Variants in IAPP observed in about 807,000 individuals in gnomAD.
IAPP encodes the protein islet amyloid polypeptide, also known as Islet amyloid polypeptide (diabetes-associated peptide; amylin).
IAPP carries 4 observed loss-of-function variants against 2.9 expected under a neutral mutation model. The ratio of observed to expected loss-of-function variants is 1.39; its 90% confidence interval spans 0.69 to 3.19. The LOEUF (loss-of-function observed/expected upper bound fraction) is 3.19. Among genes scored for constraint, IAPP ranks in the 30% most tolerant of loss-of-function variants. The pLI is 0.01. For synonymous variants in IAPP, 40 were observed against 42.1 expected, an observed-to-expected ratio of 0.95 and a Z score of 0.19; for missense variants, 114 against 105.3, an observed-to-expected ratio of 1.08 and a Z score of -0.36.
chr12:21,370,232 C>G (rs1939678573), upstream of IAPP, among the ~76,000 whole-genome samples: 3 of 151,988 alleles, frequency 2.0e-5, no homozygotes, highest in African/African-American at 4.8e-5. Context: ...CAAATAATAA[C>G]CACCGAAGAG....
intron 1 of IAPP, among the ~76,000 whole-genome samples, chr12:21,360,423 T>C (rs1266702369): frequency 6.6e-6 from 1 of 152,114 alleles, no homozygotes; most frequent in East Asian, 1.9e-4. Flanking sequence ...AATATAAACA[T>C]CAGAGGGTGG....
chr12:21,370,539 C>T (rs569250034), upstream of IAPP, among the ~76,000 whole-genome samples: 71 of 139,314 alleles, frequency 5.1e-4, no homozygotes, highest in Non-Finnish European at 7.8e-4. Context: ...TCCATGTGTT[C>T]TCATTGTTCA....
upstream of IAPP, among the ~76,000 whole-genome samples, chr12:21,371,729 G>A (rs1231354461): frequency 2.0e-5 from 3 of 152,156 alleles, no homozygotes; most frequent in African/African-American, 7.2e-5. Flanking sequence ...GAGGATGGGT[G>A]CGGTGGCTGA....
upstream of IAPP, among the ~76,000 whole-genome samples, chr12:21,371,953 G>T (rs1394119487): frequency 6.6e-6 from 1 of 151,330 alleles, no homozygotes; most frequent in Non-Finnish European, 1.5e-5. Context: ...AGTGAGCCGA[G>T]ATCGCACCCT....
At chr12:21,358,707 C>T (rs1031968532) in intron 1 of IAPP, among the ~76,000 whole-genome samples, 2 of 151,152 alleles carry the variant, frequency 1.3e-5, no homozygotes, top group Non-Finnish European at 2.9e-5. Flanking sequence ...AATAAATGAA[C>T]AATATTGAAA....
chr12:21,372,437 T>G (rs1939867919), upstream of IAPP, among the ~76,000 whole-genome samples: 1 of 152,206 alleles, frequency 6.6e-6, no homozygotes, highest in African/African-American at 2.4e-5. Flanking sequence ...TGACTTTTGA[T>G]TTCTCTTTTA....
At chr12:21,373,289 A>G in intron 1 of IAPP, 48 bp from the exon 2 acceptor site, 1 of 1,092,400 alleles carries the variant, frequency 9.2e-7, no homozygotes, top group Non-Finnish European at 1.4e-6. Context: ...TACATCAATT[A>G]GAACTGTAAG....
At chr12:21,369,656 T>C (rs1939642901), upstream of IAPP, among the ~76,000 whole-genome samples, 1 of 152,202 alleles carries the variant, frequency 6.6e-6, no homozygotes, top group Non-Finnish European at 1.5e-5. Flanking sequence ...GTGTATGCAA[T>C]TGCTAAGGAA....
intron 1 of IAPP, among the ~76,000 whole-genome samples, chr12:21,357,236 T>C (rs893207497): frequency 6.6e-6 from 1 of 152,118 alleles, no homozygotes; most frequent in African/African-American, 2.4e-5. Context: ...TGAGATACTT[T>C]GAGACCCTAG....
At chr12:21,358,426 GC>G (rs1294058734) in intron 1 of IAPP, among the ~76,000 whole-genome samples, 1 of 152,064 alleles carries the variant, frequency 6.6e-6, no homozygotes, top group African/African-American at 2.4e-5. Flanking sequence ...AAACTATGTG[GC>G]AATCCACTAA....
intron 1 of IAPP, among the ~76,000 whole-genome samples, chr12:21,361,105 C>A (rs1938829547): frequency 6.6e-6 from 1 of 152,158 alleles, no homozygotes; most frequent in Non-Finnish European, 1.5e-5. Flanking sequence ...GGTCCCTGAC[C>A]CCTGAGTAGC....
At chr12:21,358,533 GTTTTA>G (rs567845584) in intron 1 of IAPP, among the ~76,000 whole-genome samples, 85 of 152,060 alleles carry the variant, frequency 5.6e-4, no homozygotes, top group African/African-American at 1.9e-3. Context: ...TAATATTTTT[GTTTTA>G]TTTTATTGTA....
chr12:21,371,116 C>T (rs187122840), upstream of IAPP, among the ~76,000 whole-genome samples: 11 of 152,216 alleles, frequency 7.2e-5, no homozygotes, highest in South Asian at 4.2e-4. Context: ...ATGGTTTATG[C>T]GGAAATTTCA....
chr12:21,362,045 T>C (rs928700037), intron 1 of IAPP, among the ~76,000 whole-genome samples: 1 of 151,848 alleles, frequency 6.6e-6, no homozygotes, highest in Non-Finnish European at 1.5e-5. Context: ...ATACAGAGAA[T>C]GCCACAAAGA....
chr12:21,356,182 A>G (rs1440645709), intron 1 of IAPP, among the ~76,000 whole-genome samples: 2 of 152,042 alleles, frequency 1.3e-5, no homozygotes, highest in African/African-American at 4.8e-5. Flanking sequence ...GTTTCACCAT[A>G]TATTTTTAAA....
intron 1 of IAPP, among the ~76,000 whole-genome samples, chr12:21,363,906 T>C (rs1399503576): frequency 6.6e-6 from 1 of 152,042 alleles, no homozygotes; most frequent in Non-Finnish European, 1.5e-5. Flanking sequence ...CAATAATTAA[T>C]AGCCTACCAA....
In IAPP at chr12:21,378,506, G is replaced by T. The variant is rs1300469209; in HGVS notation, c.*80G>T. The T allele has an allele frequency of 8.7e-7, 1 of 1,144,664 alleles. No homozygotes were observed. The highest frequency in any genetic ancestry group is 1.3e-6 in the Non-Finnish European group (1 of 757,378). 70.9% of individuals were successfully genotyped at this position (1,144,664 alleles called of 1,614,324 possible). On this transcript the variant is annotated 3_prime_UTR_variant, in exon 3 of 3. Coordinates refer to ENST00000240652, the MANE Select transcript of IAPP (RefSeq NM_000415.3). ...TTTAACAGTGCCCTTTTCATCTCCA[G>T]TGTGAATATATGGTCTGTGTGTCTG...
intron 1 of IAPP, among the ~76,000 whole-genome samples, chr12:21,364,415 T>C (rs1026311984): frequency 6.6e-6 from 1 of 152,164 alleles, no homozygotes; most frequent in African/African-American, 2.4e-5. Flanking sequence ...ATATGATCTA[T>C]TTATGACAAA....
chr12:21,373,681 C>T (rs1174029637), intron 2 of IAPP: 1 of 701,508 alleles, frequency 1.4e-6, no homozygotes, highest in South Asian at 1.5e-5. Context: ...GAAATATACT[C>T]TTGGAACTTA....
Sources: gnomAD v4.1 joint callset for allele counts (sites outside exome capture counted in the v4.1 genomes callset) on GRCh38, gnomAD v4.1.1 for gene constraint, MANE v1.5 for transcripts, NCBI Gene and HGNC (gene_info 2026-07-23, HGNC 2026-07-21) for gene names.